Variants in EXOSC6 observed in about 807,000 individuals in gnomAD.
EXOSC6 encodes exosome complex component MTR3.
EXOSC6 carries 21 observed loss-of-function variants against 16.7 expected under a neutral mutation model. That is an observed-to-expected ratio of 1.26 (90% confidence interval 0.89 to 1.82). The LOEUF (loss-of-function observed/expected upper bound fraction) is 1.82, where lower values mean the gene tolerates loss of function less well. EXOSC6 is among the 40% of genes most tolerant of loss of function. EXOSC6 has a pLI of 0.00. For missense variants in EXOSC6, 538 were observed against 415.7 expected (o/e 1.29, Z -2.56); for synonymous variants, 297 against 217.1 (o/e 1.37, Z -3.24).
chr16:70,251,046 C>A lies in EXOSC6; in HGVS notation c.*36G>T. 1.4e-6 allele frequency: 2 copies of A among 1,439,878 alleles called. No homozygotes were observed. Among genetic ancestry groups the A allele is most frequent in the South Asian group, 1.5e-5 (1 of 68,072 alleles). The allele number at this position is 1,439,878 out of a possible 1,614,324, so 89.2% of individuals were successfully genotyped here. On this transcript the variant is annotated 3_prime_UTR_variant, in exon 1 of 1. Transcript: ENST00000435634. ...TTTTCGTGGACGGCGGCAGCACGGT[C>A]CTCGGCTTGCGTCCGTAGTTGCTCA...
chr16:70,251,232 G>A lies in EXOSC6; in HGVS notation c.669C>T (p.Ala223=), dbSNP rs144728576. The change falls in exon 1 of 1, where the codon GCC becomes GCT. Residue 223 remains alanine, a synonymous_variant. Transcript: ENST00000435634. ...CGCCCTCGCCGCTGCCCAGCAGCCC[G>A]GCCACCTGATTCAGCACAGGCATGA... ...VALMPVLNQV[A]GLLGSGEGGL... is the part of the protein sequence containing the mutation. 35 of 1,505,964 alleles carry A rather than the reference G, an allele frequency of 2.3e-5. No homozygotes were observed. The highest frequency in any genetic ancestry group is 5.4e-5 in the East Asian group (2 of 36,924). The allele number at this position is 1,505,964 out of a possible 1,614,324, so 93.3% of individuals were successfully genotyped here. A position where few individuals can be genotyped will look rare whatever the true frequency, so the allele number is the denominator to read the frequency against.
In EXOSC6 at chr16:70,248,387, ATAT is replaced by A. The variant is rs1333692090; in HGVS notation, c.*2692_*2694del. 2.6e-5 allele frequency: 4 copies of A among 152,214 alleles called. No individual in the cohort carries two copies. Among genetic ancestry groups the A allele is most frequent in the African/African-American group, 7.2e-5 (3 of 41,442 alleles). The allele number at this position is 152,214 out of a possible 1,614,324, so 9.4% of individuals were successfully genotyped here. A position where few individuals can be genotyped will look rare whatever the true frequency, so the allele number is the denominator to read the frequency against. ...AGTAACTGGTAAATCTAGGTGAAGC[ATAT>A]TATTATGAAATTATTATCGTATTTA... On this transcript the variant is annotated 3_prime_UTR_variant, in exon 1 of 1. Coordinates refer to ENST00000435634, the MANE Select transcript of EXOSC6 (RefSeq NM_058219.3).
In EXOSC6 at chr16:70,248,793, T is replaced by C. The variant is rs1233657684; in HGVS notation, c.*2289A>G. 3.6e-5 allele frequency: 5 copies of C among 137,990 alleles called. No homozygotes were observed. Among genetic ancestry groups the C allele is most frequent in the African/African-American group, 1.6e-4 (5 of 31,852 alleles). 8.5% of individuals were successfully genotyped at this position (137,990 alleles called of 1,614,324 possible). A position where few individuals can be genotyped will look rare whatever the true frequency, so the allele number is the denominator to read the frequency against. ...TTCCTTTTTTTTTTTTTTTTTTTTT[T>C]TTGATAGAAACAGGGTTTCACCTTG... On this transcript the variant is annotated 3_prime_UTR_variant, in exon 1 of 1. Coordinates refer to ENST00000435634, the MANE Select transcript of EXOSC6 (RefSeq NM_058219.3).
In EXOSC6 at chr16:70,250,807, A is replaced by G. The variant is rs1286391604; in HGVS notation, c.*275T>C. 4 of 383,720 alleles carry G rather than the reference A, an allele frequency of 1.0e-5. No individual in the cohort carries two copies. Among genetic ancestry groups the G allele is most frequent in the East Asian group, 3.9e-5 (1 of 25,732 alleles). The allele number at this position is 383,720 out of a possible 1,614,324, so 23.8% of individuals were successfully genotyped here. A position where few individuals can be genotyped will look rare whatever the true frequency, so the allele number is the denominator to read the frequency against. On this transcript the variant is annotated 3_prime_UTR_variant, in exon 1 of 1. Transcript: ENST00000435634. The stretch of plus-strand genomic sequence containing the variant: ...CTAGGAGTTTGAGACTGCAGAAAGA[A>G]ACCCTGTCTCTAAAAAAAAGGTCCA...
Position 70,246,953 on chromosome 16 carries a change from C to T in EXOSC6, c.*4129G>A. ...TCCTCACACACACAACCATCCCCCT[C>T]ACCCCATGATCTGAAAAGCGAAATG... On this transcript the variant is annotated 3_prime_UTR_variant, in exon 1 of 1. Coordinates refer to ENST00000435634, the MANE Select transcript of EXOSC6 (RefSeq NM_058219.3). 1 of 548,938 alleles carries T rather than the reference C, an allele frequency of 1.8e-6. No homozygotes were observed. Among genetic ancestry groups the T allele is most frequent in the Non-Finnish European group, 3.5e-6 (1 of 284,434 alleles). The allele number at this position is 548,938 out of a possible 1,614,324, so 34.0% of individuals were successfully genotyped here.
chr16:70,251,641 T>TCGCCGCCTGCTCCGGCCGGGCCGC lies in EXOSC6; in HGVS notation c.236_259dup (p.Gly79_Gly86dup). On this transcript the variant is annotated inframe_insertion, in exon 1 of 1. Coordinates refer to ENST00000435634, the MANE Select transcript of EXOSC6 (RefSeq NM_058219.3). ...GCGACCGCGCAGCGCGGCCGGGGCC[T>TCGCCGCCTGCTCCGGCCGGGCCGC]CGCCGCCTGCTCCGGCCGGGCCGCC... 3.5e-6 allele frequency: 4 copies of TCGCCGCCTGCTCCGGCCGGGCCGC among 1,140,564 alleles called. No homozygotes were observed. Among genetic ancestry groups the TCGCCGCCTGCTCCGGCCGGGCCGC allele is most frequent in the Non-Finnish European group, 4.3e-6 (4 of 931,920 alleles). 70.7% of individuals were successfully genotyped at this position (1,140,564 alleles called of 1,614,324 possible).
rs376301785 is a variant in EXOSC6 at position 70,251,130 on chromosome 16, C to G, written c.771G>C (p.Gln257His). Residue 257 changes from glutamine (Q) to histidine (H), a missense_variant, in exon 1 of 1, where the codon CAG becomes CAC. Coordinates refer to ENST00000435634, the MANE Select transcript of EXOSC6 (RefSeq NM_058219.3). The part of the protein sequence containing the change: ...GCQRLYPVLQ[Q>H]SLVRAARRRG... ...TGCGGCGGGCGGCCCGCACCAGGCT[C>G]TGCTGCAGCACGGGGTAGAGGCGCT... 384 of 1,532,786 alleles carry G rather than the reference C, an allele frequency of 2.5e-4. 1 individual carries two copies. The highest frequency in any genetic ancestry group is 3.0e-4 in the Non-Finnish European group (349 of 1,151,310). 94.9% of individuals were successfully genotyped at this position (1,532,786 alleles called of 1,614,324 possible). A position where few individuals can be genotyped will look rare whatever the true frequency, so the allele number is the denominator to read the frequency against.
At position 70,251,133 on chromosome 16, in the gene EXOSC6, C is replaced by T; in HGVS notation, c.768G>A (p.Gln256=). The T allele has an allele frequency of 6.5e-7, 1 of 1,534,678 alleles. No homozygotes were observed. Among genetic ancestry groups the T allele is most frequent in the African/African-American group, 1.4e-5 (1 of 69,944 alleles). ...EGCQRLYPVL[Q]QSLVRAARRR... is the part of the protein sequence containing the mutation. ...GGCGGGCGGCCCGCACCAGGCTCTG[C>T]TGCAGCACGGGGTAGAGGCGCTGGC... Residue 256 remains glutamine, a synonymous_variant, in exon 1 of 1, where the codon CAG becomes CAA. Coordinates refer to ENST00000435634, the MANE Select transcript of EXOSC6 (RefSeq NM_058219.3).
chr16:70,249,669 AC>A lies in EXOSC6; in HGVS notation c.*1412del, dbSNP rs1158464929. On this transcript the variant is annotated 3_prime_UTR_variant, in exon 1 of 1. Transcript: ENST00000435634. ...CTGGTGCTAAGCAATCTCAAAAAAAACATTTACTAAAAACCAGAGGAAAAAA... is the reference window on the plus strand; with the variant it reads ...CTGGTGCTAAGCAATCTCAAAAAAAAATTTACTAAAAACCAGAGGAAAAAA... 2 of 152,118 alleles carry A rather than the reference AC, an allele frequency of 1.3e-5. No homozygotes were observed. Among genetic ancestry groups the A allele is most frequent in the Admixed American group, 6.5e-5 (1 of 15,270 alleles). The allele number at this position is 152,118 out of a possible 1,614,324, so 9.4% of individuals were successfully genotyped here. A position where few individuals can be genotyped will look rare whatever the true frequency, so the allele number is the denominator to read the frequency against.
At position 70,250,612 on chromosome 16, in the gene EXOSC6, T is replaced by C. The variant is rs113546937; in HGVS notation, c.*470A>G. The C allele has an allele frequency of 1.4e-5, 2 of 140,354 alleles. No homozygotes were observed. The highest frequency in any genetic ancestry group is 5.4e-5 in the African/African-American group (2 of 37,084). The allele number at this position is 140,354 out of a possible 1,614,324, so 8.7% of individuals were successfully genotyped here. ...TGAACCCAGGAGGCAGAGGTTGCAGTGAGCCAAGATTGCACCATTGCACTC... is the reference window on the plus strand; with the variant it reads ...TGAACCCAGGAGGCAGAGGTTGCAGCGAGCCAAGATTGCACCATTGCACTC... On this transcript the variant is annotated 3_prime_UTR_variant, in exon 1 of 1. Transcript: ENST00000435634.
In EXOSC6 at chr16:70,248,165, T is replaced by C. The variant is rs1031741231; in HGVS notation, c.*2917A>G. The C allele has an allele frequency of 2.0e-5, 3 of 152,202 alleles. No homozygotes were observed. Among genetic ancestry groups the C allele is most frequent in the Non-Finnish European group, 4.4e-5 (3 of 68,034 alleles). 9.4% of individuals were successfully genotyped at this position (152,202 alleles called of 1,614,324 possible). On this transcript the variant is annotated 3_prime_UTR_variant, in exon 1 of 1. Transcript: ENST00000435634. ...ATTTAAAAGACATCTTAGGGGTAAT[T>C]ACAGAAATTTGAATATAGAACACAT...
Position 70,246,891 on chromosome 16 carries a change from A to C in EXOSC6, c.*4191T>G. The C allele has an allele frequency of 5.2e-6, 3 of 577,018 alleles. No homozygotes were observed. The Admixed American group carries it at 6.8e-5, about 13-fold the overall frequency. The allele number at this position is 577,018 out of a possible 1,614,324, so 35.7% of individuals were successfully genotyped here. ...CTCAAATATCACTGATTATACTCAA[A>C]GGAGCAGAGGCATTGTTTTCCATCT... On this transcript the variant is annotated 3_prime_UTR_variant, in exon 1 of 1. Coordinates refer to ENST00000435634, the MANE Select transcript of EXOSC6 (RefSeq NM_058219.3).
chr16:70,251,926 T>C lies in EXOSC6; in HGVS notation c.-26A>G, dbSNP rs752951027. On this transcript the variant is annotated 5_prime_UTR_variant, in exon 1 of 1. Transcript: ENST00000435634. The stretch of plus-strand genomic sequence containing the variant: ...GGCGGTTCTTGGCGTGCGAACCCCT[T>C]CCGCCCAACGCCCTGCCGCATCCAC... The C allele has an allele frequency of 4.1e-6, 6 of 1,477,946 alleles. No individual in the cohort carries two copies. In the East Asian group the frequency reaches 1.1e-4, roughly 28 times the overall value. The allele number at this position is 1,477,946 out of a possible 1,614,324, so 91.6% of individuals were successfully genotyped here.
In EXOSC6 at chr16:70,251,213, C is replaced by T. The variant is rs1269416555; in HGVS notation, c.688G>A (p.Glu230Lys). ...GCCCAGCTCTCTGTCAGGCCGCCCTCGCCGCTGCCCAGCAGCCCGGCCACC... is the reference window on the plus strand; with the variant it reads ...GCCCAGCTCTCTGTCAGGCCGCCCTTGCCGCTGCCCAGCAGCCCGGCCACC... ...NQVAGLLGSG[E>K]GGLTESWAEA... Residue 230 changes from glutamate to lysine, a missense_variant, in exon 1 of 1, where the codon GAG becomes AAG. Transcript: ENST00000435634. 6.6e-7 allele frequency: 1 copy of T among 1,508,872 alleles called. No individual in the cohort carries two copies. Among genetic ancestry groups the T allele is most frequent in the Non-Finnish European group, 8.8e-7 (1 of 1,136,212 alleles). The allele number at this position is 1,508,872 out of a possible 1,614,324, so 93.5% of individuals were successfully genotyped here. A position where few individuals can be genotyped will look rare whatever the true frequency, so the allele number is the denominator to read the frequency against.
At position 70,251,134 on chromosome 16, in the gene EXOSC6, T is replaced by C. The variant is rs1208267329; in HGVS notation, c.767A>G (p.Gln256Arg). The C allele has an allele frequency of 2.0e-6, 3 of 1,534,828 alleles. No individual in the cohort carries two copies. Among genetic ancestry groups the C allele is most frequent in the Non-Finnish European group, 2.6e-6 (3 of 1,152,060 alleles). ...EGCQRLYPVL[Q>R]QSLVRAARRR... is the part of the protein sequence containing the mutation. ...GCGGGCGGCCCGCACCAGGCTCTGC[T>C]GCAGCACGGGGTAGAGGCGCTGGCA... The change falls in exon 1 of 1, where the codon CAG (glutamine) becomes CGG (arginine). Residue 256 changes from glutamine (Q) to arginine (R), a missense_variant. Gln to Arg is a conservative substitution (Grantham distance 43). Coordinates refer to ENST00000435634, the MANE Select transcript of EXOSC6 (RefSeq NM_058219.3).
chr16:70,250,141 T>C lies in EXOSC6; in HGVS notation c.*941A>G, dbSNP rs1022197675. On this transcript the variant is annotated 3_prime_UTR_variant, in exon 1 of 1. Coordinates refer to ENST00000435634, the MANE Select transcript of EXOSC6 (RefSeq NM_058219.3). ...AAACTAAAAATAATAATAATAATAATAATGGTTTTATATATATGCATACAC... is the reference window on the plus strand; with the variant it reads ...AAACTAAAAATAATAATAATAATAACAATGGTTTTATATATATGCATACAC... The C allele has an allele frequency of 1.3e-5, 2 of 151,512 alleles. No homozygotes were observed. The highest frequency in any genetic ancestry group is 2.9e-5 in the Non-Finnish European group (2 of 67,898). 9.4% of individuals were successfully genotyped at this position (151,512 alleles called of 1,614,324 possible). A position where few individuals can be genotyped will look rare whatever the true frequency, so the allele number is the denominator to read the frequency against.
rs573632134 is a variant in EXOSC6, at chr16:70,249,055, C to T, written c.*2027G>A. On this transcript the variant is annotated 3_prime_UTR_variant, in exon 1 of 1. Transcript: ENST00000435634. ...AAACCCTAATATCAGATATTCCAGA[C>T]ACAACAATACCATAATTTAATCACT... 1 of 135,150 alleles carries T rather than the reference C, an allele frequency of 7.4e-6. No individual in the cohort carries two copies. Among genetic ancestry groups the T allele is most frequent in the East Asian group, 2.0e-4 (1 of 4,884 alleles). 8.4% of individuals were successfully genotyped at this position (135,150 alleles called of 1,614,324 possible).
rs1214129577 is a variant in EXOSC6, at chr16:70,251,146, T to A, written c.755A>T (p.Tyr252Phe). The A allele has an allele frequency of 2.6e-6, 4 of 1,535,920 alleles. No homozygotes were observed. The highest frequency in any genetic ancestry group is 2.6e-5 in the East Asian group (1 of 38,660). Reference sequence around the variant, plus strand: ...CACCAGGCTCTGCTGCAGCACGGGGTAGAGGCGCTGGCAGCCCTCGAGGCC... The same window carrying A: ...CACCAGGCTCTGCTGCAGCACGGGGAAGAGGCGCTGGCAGCCCTCGAGGCC... ...RLGLEGCQRL[Y>F]PVLQQSLVRA... The change falls in exon 1 of 1, where the codon TAC (tyrosine) becomes TTC (phenylalanine). Residue 252 changes from tyrosine (Y) to phenylalanine (F), a missense_variant. Coordinates refer to ENST00000435634, the MANE Select transcript of EXOSC6 (RefSeq NM_058219.3).
rs1959834396 is a variant in EXOSC6, at chr16:70,251,848, T to TGCG, written c.50_52dup (p.Pro17dup). On this transcript the variant is annotated inframe_insertion, in exon 1 of 1. Coordinates refer to ENST00000435634, the MANE Select transcript of EXOSC6 (RefSeq NM_058219.3). ...CTCCTCCTCGTCGGCCGCGTACAGC[T>TGCG]GCGGCGGCTGCGATTCTTCAGGGCC... The TGCG allele has an allele frequency of 6.4e-7, 1 of 1,553,902 alleles. No individual in the cohort carries two copies. The highest frequency in any genetic ancestry group is 1.4e-5 in the African/African-American group (1 of 71,088).
Sources: gnomAD v4.1 joint callset for allele counts on GRCh38, gnomAD v4.1.1 for gene constraint, MANE v1.5 for transcripts, NCBI Gene and HGNC (gene_info 2026-07-23, HGNC 2026-07-21) for gene names.